The following MS4A14 variants were observed in gnomAD, a reference collection of about 807,000 sequenced individuals.
MS4A14 encodes membrane-spanning 4-domains subfamily A member 14.
Under a neutral mutation model 16.7 loss-of-function variants are expected in MS4A14, and 18 were observed. The ratio of observed to expected loss-of-function variants is 1.08; its 90% confidence interval spans 0.75 to 1.60. MS4A14 has a LOEUF of 1.60. Among genes scored for constraint, MS4A14 ranks in the 40% most tolerant of loss-of-function variants. MS4A14 has a pLI of 0.00. For synonymous variants in MS4A14, 305 were observed against 289.4 expected (o/e 1.05, Z -0.55); for missense variants, 812 against 775.3 (o/e 1.05, Z -0.56).
chr11:60,407,957 C>T (rs2085812167), intron 4 of MS4A14, among the ~76,000 whole-genome samples: 1 of 151,972 alleles, frequency 6.6e-6, no homozygotes, highest in Admixed American at 6.6e-5. Flanking sequence ...AACAGGTTTT[C>T]CCTACCCCCA....
Position 60,416,998 on chromosome 11 carries a change from T to C in MS4A14, c.2030T>C (p.Leu677Pro). 1.2e-6 allele frequency: 2 copies of C among 1,611,432 alleles called. No individual in the cohort carries two copies. The highest frequency in any genetic ancestry group is 1.7e-6 in the Non-Finnish European group (2 of 1,178,680). The change falls in exon 5 of 5, where the codon CTG (leucine) becomes CCG (proline). Residue 677 changes from leucine to proline, a missense_variant. Coordinates refer to ENST00000300187, the MANE Select transcript of MS4A14 (RefSeq NM_032597.5). ...RTVNLLAKNP[L>P]TG ...GTCAATCTTTTGGCCAAGAATCCCCTGACTGGATAACTCAGGGCTGGAGAA... is the reference window on the plus strand; with the variant it reads ...GTCAATCTTTTGGCCAAGAATCCCCCGACTGGATAACTCAGGGCTGGAGAA...
At position 60,416,939 on chromosome 11, in the gene MS4A14, C is replaced by A. The variant is rs1401658674; in HGVS notation, c.1971C>A (p.His657Gln). 3.7e-6 allele frequency: 6 copies of A among 1,613,696 alleles called. No individual in the cohort carries two copies. The highest frequency in any genetic ancestry group is 5.1e-6 in the Non-Finnish European group (6 of 1,179,748). ...QIQQYQFWQF[H>Q]KGNLQAGQPR... ...AGCAATACCAATTCTGGCAATTCCA[C>A]AAAGGCAATCTCCAGGCTGGACAAC... Residue 657 changes from histidine to glutamine, a missense_variant, in exon 5 of 5, where the codon CAC becomes CAA. By Grantham distance (24) the His-to-Gln change is conservative (BLOSUM62 0). Transcript: ENST00000300187.
Position 60,402,807 on chromosome 11 carries a change from C to A in MS4A14, c.319-105C>A, listed in dbSNP as rs2085733572. The A allele has an allele frequency of 5.3e-6, 6 of 1,121,776 alleles. No homozygotes were observed. The Admixed American group carries it at 1.2e-4, about 23-fold the overall frequency. The allele number at this position is 1,121,776 out of a possible 1,614,324, so 69.5% of individuals were successfully genotyped here. A position where few individuals can be genotyped will look rare whatever the true frequency, so the allele number is the denominator to read the frequency against. On this transcript the variant is annotated intron_variant, in intron 3 of 4. Coordinates refer to ENST00000300187, the MANE Select transcript of MS4A14 (RefSeq NM_032597.5). ...ATACTGACCTGATGGAACAACTCTT[C>A]CCTGAGAAGTATCTGGAAAGATAAA...
chr11:60,396,505 G>A lies in MS4A14; in HGVS notation c.-74G>A, dbSNP rs1245109511. ...TCTCTGAGGGCTCCATGTGACTCTG[G>A]TGGAGAGGTAGATCATGATTTGGGC... On this transcript the variant is annotated 5_prime_UTR_variant, in exon 1 of 5. It adds an upstream start codon to the 5' untranslated region. Coordinates refer to ENST00000300187, the MANE Select transcript of MS4A14 (RefSeq NM_032597.5). The A allele has an allele frequency of 1.6e-5, 25 of 1,549,048 alleles. No individual in the cohort carries two copies. The highest frequency in any genetic ancestry group is 2.3e-5 in the East Asian group (1 of 44,390).
At chr11:60,400,475 A>G (rs1416860173) in intron 3 of MS4A14, 21 bp downstream of exon 3, 1 of 1,532,276 alleles carries the variant, frequency 6.5e-7, no homozygotes, top group African/African-American at 1.4e-5. Context: ...TAAACTACAT[A>G]AAATTTAAAA....
intron 4 of MS4A14, among the ~76,000 whole-genome samples, chr11:60,407,025 T>C (rs1372657581): frequency 7.2e-6 from 1 of 138,474 alleles, no homozygotes; most frequent in Non-Finnish European, 1.6e-5. Flanking sequence ...TTTTTTTTTT[T>C]TTTTTTTGAG....
Position 60,415,552 on chromosome 11 carries a change from C to G in MS4A14, c.584C>G (p.Thr195Arg). ...GAGTTTTCCAGTGATGATTCAACAACAAATGCACAATCTGTTATCTTTGGA... is the reference window on the plus strand; with the variant it reads ...GAGTTTTCCAGTGATGATTCAACAAGAAATGCACAATCTGTTATCTTTGGA... ...QEEFSSDDST[T>R]NAQSVIFGGY... Residue 195 changes from threonine (T) to arginine (R), a missense_variant, in exon 5 of 5, where the codon ACA (threonine) becomes AGA (arginine). By Grantham distance (71) the Thr-to-Arg change is moderately conservative (BLOSUM62 -1). Transcript: ENST00000300187. 1 of 1,613,758 alleles carries G rather than the reference C, an allele frequency of 6.2e-7. No homozygotes were observed. The highest frequency in any genetic ancestry group is 8.5e-7 in the Non-Finnish European group (1 of 1,179,780).
intron 3 of MS4A14, among the ~76,000 whole-genome samples, chr11:60,401,036 G>T (rs887354424): frequency 1.3e-5 from 2 of 152,196 alleles, no homozygotes; most frequent in East Asian, 1.9e-4. Flanking sequence ...CTGGAAGAAA[G>T]AGTTTGGGCA....
chr11:60,415,761 A>C lies in MS4A14; in HGVS notation c.793A>C (p.Ile265Leu). 6.2e-7 allele frequency: 1 copy of C among 1,613,972 alleles called. No individual in the cohort carries two copies. The highest frequency in any genetic ancestry group is 8.5e-7 in the Non-Finnish European group (1 of 1,179,920). Residue 265 changes from isoleucine to leucine, a missense_variant, in exon 5 of 5, where the codon ATT (isoleucine) becomes CTT (leucine). Transcript: ENST00000300187. ...LEKKPSENMS[I>L]QLDSTFKQMK... ...GAAAAAGCCCTCAGAAAATATGTCC[A>C]TTCAGCTAGACTCTACATTTAAACA...
chr11:60,407,538 C>T (rs2085806711), intron 4 of MS4A14, among the ~76,000 whole-genome samples: 1 of 152,116 alleles, frequency 6.6e-6, no homozygotes, highest in Non-Finnish European at 1.5e-5. Flanking sequence ...GCTTTTCATT[C>T]TCATCAACAA....
chr11:60,398,309 A>C (rs930855663), intron 2 of MS4A14: 3 of 194,918 alleles, frequency 1.5e-5, no homozygotes, highest in Non-Finnish European at 3.2e-5. Context: ...AGTAGAGAAT[A>C]ACTTAAACAT....
chr11:60,400,445 A>C lies in MS4A14; in HGVS notation c.309A>C (p.Ser103=). ...ACCTCACAGTAACCGATAAGAAATC[A>C]AAACTTCTGGTAAGCCACTTAAACT... ...TGYLTVTDKK[S]KLLGQGVTGM... The change falls in exon 3 of 5, where the codon TCA becomes TCC. Residue 103 remains serine, a synonymous_variant. Coordinates refer to ENST00000300187, the MANE Select transcript of MS4A14 (RefSeq NM_032597.5). The C allele has an allele frequency of 6.2e-7, 1 of 1,606,014 alleles. No individual in the cohort carries two copies. Among genetic ancestry groups the C allele is most frequent in the Non-Finnish European group, 8.5e-7 (1 of 1,173,778 alleles).
rs766782093 is a variant in MS4A14 at position 60,415,954 on chromosome 11, G to T, written c.986G>T (p.Gly329Val). ...CCATCCCAAGCTCTACCAGTAGAAGGCCTGTCAGAACAAACCATGCCATCT... is the reference window on the plus strand; with the variant it reads ...CCATCCCAAGCTCTACCAGTAGAAGTCCTGTCAGAACAAACCATGCCATCT... ...DLPSQALPVE[G>V]LSEQTMPSKS... Residue 329 changes from glycine to valine, a missense_variant, in exon 5 of 5, where the codon GGC (glycine) becomes GTC (valine). By Grantham distance (109) the Gly-to-Val change is moderately radical. Transcript: ENST00000300187. 1 of 1,613,774 alleles carries T rather than the reference G, an allele frequency of 6.2e-7. No homozygotes were observed. The highest frequency in any genetic ancestry group is 1.3e-5 in the African/African-American group (1 of 74,934).
chr11:60,416,775 G>A lies in MS4A14; in HGVS notation c.1807G>A (p.Asp603Asn), dbSNP rs2085953261. ...GCAAAACTCAAAGAAGCAAACCCAGGATCAGCAAACTGAAGACCAGCCGGC... is the reference window on the plus strand; with the variant it reads ...GCAAAACTCAAAGAAGCAAACCCAGAATCAGCAAACTGAAGACCAGCCGGC... ...KEQNSKKQTQ[D>N]QQTEDQPAQE... Residue 603 changes from aspartate to asparagine, a missense_variant, in exon 5 of 5, where the codon GAT becomes AAT. By Grantham distance (23) the Asp-to-Asn change is conservative. Coordinates refer to ENST00000300187, the MANE Select transcript of MS4A14 (RefSeq NM_032597.5). 2 of 1,613,530 alleles carry A rather than the reference G, an allele frequency of 1.2e-6. No homozygotes were observed. Among genetic ancestry groups the A allele is most frequent in the Non-Finnish European group, 1.7e-6 (2 of 1,179,794 alleles).
chr11:60,400,434 G>A lies in MS4A14; in HGVS notation c.298G>A (p.Asp100Asn), dbSNP rs768900672. ...TCTTACAGGATACCTCACAGTAACCGATAAGAAATCAAAACTTCTGGTAAG... is the reference window on the plus strand; with the variant it reads ...TCTTACAGGATACCTCACAGTAACCAATAAGAAATCAAAACTTCTGGTAAG... The part of the protein sequence containing the change: ...FILTGYLTVT[D>N]KKSKLLGQGV... Residue 100 changes from aspartate (D) to asparagine (N), a missense_variant, in exon 3 of 5, where the codon GAT becomes AAT. By Grantham distance (23) the Asp-to-Asn change is conservative. Transcript: ENST00000300187. 7.0e-5 allele frequency: 112 copies of A among 1,606,086 alleles called. No homozygotes were observed. The highest frequency in any genetic ancestry group is 1.7e-4 in the Middle Eastern group (1 of 6,040).
chr11:60,414,079 G>A (rs974194265), intron 4 of MS4A14, among the ~76,000 whole-genome samples: 2 of 152,082 alleles, frequency 1.3e-5, no homozygotes, highest in African/African-American at 4.8e-5. Flanking sequence ...TTGGAACATT[G>A]TCTAGCATCT....
chr11:60,416,167 T>G lies in MS4A14; in HGVS notation c.1199T>G (p.Ile400Arg). 1.2e-6 allele frequency: 2 copies of G among 1,613,350 alleles called. No homozygotes were observed. The highest frequency in any genetic ancestry group is 1.7e-6 in the Non-Finnish European group (2 of 1,179,756). The change falls in exon 5 of 5, where the codon ATA (isoleucine) becomes AGA (arginine). Residue 400 changes from isoleucine to arginine, a missense_variant. Coordinates refer to ENST00000300187, the MANE Select transcript of MS4A14 (RefSeq NM_032597.5). ...TCCCACGCCATGCCACCTCAAGACA[T>G]ACCTTCCCAAGATATGCTATCCCAA... is the stretch of plus-strand genomic sequence containing the variant. Reference protein sequence around the residue: ...TPSHAMPPQDIPSQDMLSQAL... With the variant: ...TPSHAMPPQDRPSQDMLSQAL...
Position 60,397,842 on chromosome 11 carries a change from C to T in MS4A14, c.139-10C>T, listed in dbSNP as rs764218053. 2 of 1,611,154 alleles carry T rather than the reference C, an allele frequency of 1.2e-6. No individual in the cohort carries two copies. The highest frequency in any genetic ancestry group is 1.7e-6 in the Non-Finnish European group (2 of 1,178,430). On this transcript the variant is annotated splice_polypyrimidine_tract_variant and intron_variant, in intron 1 of 4. Coordinates refer to ENST00000300187, the MANE Select transcript of MS4A14 (RefSeq NM_032597.5). ...CTTGTAACCTCATGTACCCATTTCT[C>T]TCCTCACAGGCTACCCAGATCCTGC...
chr11:60,405,181 G>T (rs1040931662), intron 4 of MS4A14, among the ~76,000 whole-genome samples: 1 of 151,998 alleles, frequency 6.6e-6, no homozygotes. Flanking sequence ...CTAGGTTCAA[G>T]CAATTCTCCT....
Sources: gnomAD v4.1 joint callset for allele counts (sites outside exome capture counted in the v4.1 genomes callset) on GRCh38, gnomAD v4.1.1 for gene constraint, MANE v1.5 for transcripts, NCBI Gene and HGNC (gene_info 2026-07-23, HGNC 2026-07-21) for gene names.